Variants in IGF2BP2 observed in about 807,000 individuals in gnomAD.
IGF2BP2 encodes insulin-like growth factor 2 mRNA-binding protein 2.
Under a neutral mutation model 75.8 loss-of-function variants are expected in IGF2BP2, and 17 were observed. The ratio of observed to expected loss-of-function variants is 0.22; its 90% CI spans 0.15 to 0.34. The LOEUF is 0.34. IGF2BP2 is among the 10% of genes least tolerant of loss of function. The probability of loss-of-function intolerance (pLI) is 1.00; values close to 1 mark genes in which losing one functional copy is unlikely to be tolerated. For synonymous variants in IGF2BP2, 288 were observed against 295.6 expected, an observed-to-expected ratio of 0.97 and a Z score of 0.26; for missense variants, 516 against 772.4, an observed-to-expected ratio of 0.67 and a Z score of 3.93.
chr3:185,685,938 C>G (rs1447766870), intron 7 of IGF2BP2, among the ~76,000 whole-genome samples: 2 of 152,210 alleles, frequency 1.3e-5, no homozygotes, highest in African/African-American at 4.8e-5. Context: ...GCCACTGCAC[C>G]CAGCATGAAA....
intron 2 of IGF2BP2, among the ~76,000 whole-genome samples, chr3:185,781,623 T>C (rs1347220559): frequency 1.3e-5 from 2 of 152,210 alleles, no homozygotes; most frequent in East Asian, 1.9e-4. Context: ...TCTGGACATA[T>C]ATGCATGCCT....
intron 2 of IGF2BP2, among the ~76,000 whole-genome samples, chr3:185,785,353 C>T (rs373217740): frequency 6.0e-5 from 9 of 149,494 alleles, no homozygotes; most frequent in East Asian, 2.0e-4. Flanking sequence ...ATGGAGCTTT[C>T]GGGGTAGAGA....
Position 185,643,769 on chromosome 3 carries a change from CTTTTTTTTTCTTTTTTTTTT to C in IGF2BP2, c.*1742_*1761del, listed in dbSNP as rs1244812487. Reference sequence around the variant, plus strand: ...TTAGCTGGATATATTTCTGTTTTTTCTTTTTTTTTCTTTTTTTTTTTTTTTTTTTTGTCACAGAACACTGT... The same window carrying C: ...TTAGCTGGATATATTTCTGTTTTTTCTTTTTTTTTTGTCACAGAACACTGT... On this transcript the variant is annotated 3_prime_UTR_variant, in exon 16 of 16. Coordinates refer to ENST00000382199, the MANE Select transcript of IGF2BP2 (RefSeq NM_006548.6). 2 of 120,412 alleles carry C rather than the reference CTTTTTTTTTCTTTTTTTTTT, an allele frequency of 1.7e-5. No individual in the cohort carries two copies. Among genetic ancestry groups the C allele is most frequent in the African/African-American group, 6.5e-5 (2 of 30,842 alleles). 7.5% of individuals were successfully genotyped at this position (120,412 alleles called of 1,614,324 possible). A position where few individuals can be genotyped will look rare whatever the true frequency, so the allele number is the denominator to read the frequency against.
At chr3:185,707,078 A>T (rs1263736854) in intron 2 of IGF2BP2, among the ~76,000 whole-genome samples, 5 of 151,714 alleles carry the variant, frequency 3.3e-5, no homozygotes, top group African/African-American at 9.7e-5. Context: ...GACATCACTT[A>T]GTCAGATGTG....
chr3:185,819,769 A>G lies in IGF2BP2; in HGVS notation c.239+3384T>C, dbSNP rs548677181. On this transcript the variant is annotated intron_variant, in intron 2 of 15. Coordinates refer to ENST00000382199, the MANE Select transcript of IGF2BP2 (RefSeq NM_006548.6). ...GGAAGGTACCACACAATTTTAACCT[A>G]ATAAAAGTCATTTCTGTTTCTAGAA... 1.3e-4 allele frequency among the ~76,000 whole-genome samples: 20 copies of G among 152,240 alleles called. No homozygotes were observed. In the South Asian group the frequency reaches 3.5e-3, roughly 27 times the overall value.
chr3:185,686,606 C>A (rs1721170919), intron 7 of IGF2BP2, among the ~76,000 whole-genome samples: 2 of 151,904 alleles, frequency 1.3e-5, no homozygotes, highest in South Asian at 4.2e-4. Context: ...TTGCACTGTC[C>A]AATTCAATGG....
intron 10 of IGF2BP2, among the ~76,000 whole-genome samples, chr3:185,664,163 G>T (rs1471125775): frequency 6.6e-6 from 1 of 152,150 alleles, no homozygotes; most frequent in Non-Finnish European, 1.5e-5. Flanking sequence ...GTGTTCTCAT[G>T]GGACAACCTT....
chr3:185,648,878 G>C (rs958325846), intron 14 of IGF2BP2, among the ~76,000 whole-genome samples: 1 of 152,196 alleles, frequency 6.6e-6, no homozygotes, highest in Non-Finnish European at 1.5e-5. Flanking sequence ...CCAGAAGATA[G>C]AGCCTGTGGA....
chr3:185,754,117 G>A (rs1458503810), intron 2 of IGF2BP2, among the ~76,000 whole-genome samples: 1 of 152,102 alleles, frequency 6.6e-6, no homozygotes, highest in African/African-American at 2.4e-5. Context: ...GCTGAGGCAG[G>A]AGAATTGCTT....
chr3:185,818,935 A>C (rs1740968477), intron 2 of IGF2BP2, among the ~76,000 whole-genome samples: 1 of 152,096 alleles, frequency 6.6e-6, no homozygotes, highest in African/African-American at 2.4e-5. Context: ...GTTTACTCAA[A>C]ATAATTGTGA....
chr3:185,780,756 T>C (rs1271719110), intron 2 of IGF2BP2, among the ~76,000 whole-genome samples: 1 of 152,168 alleles, frequency 6.6e-6, no homozygotes, highest in Non-Finnish European at 1.5e-5. Context: ...TGTATAATCA[T>C]AATAATATAT....
intron 5 of IGF2BP2, among the ~76,000 whole-genome samples, chr3:185,690,421 A>G (rs1240626952): frequency 2.6e-5 from 4 of 152,122 alleles, no homozygotes; most frequent in African/African-American, 4.8e-5. Flanking sequence ...TTAAAAAAAC[A>G]GTTAATATTC....
intron 10 of IGF2BP2, among the ~76,000 whole-genome samples, chr3:185,669,341 T>G (rs1237372781): frequency 6.6e-6 from 1 of 151,822 alleles, no homozygotes; most frequent in Admixed American, 6.6e-5. Context: ...GGGAAAAATA[T>G]AAATCATATA....
chr3:185,657,549 T>G, intron 11 of IGF2BP2, 147 bp from the exon 12 acceptor site: 1 of 602,232 alleles, frequency 1.7e-6, no homozygotes, highest in Non-Finnish European at 2.9e-6. Context: ...CACAGGATCC[T>G]TCTGCGGCCT....
chr3:185,689,967 C>CAAAAA (rs5855070), intron 5 of IGF2BP2, among the ~76,000 whole-genome samples: 8 of 118,214 alleles, frequency 6.8e-5, no homozygotes, highest in African/African-American at 2.6e-4. Flanking sequence ...GACTCCGTCT[C>CAAAAA]AAAAAAAAAA....
chr3:185,703,304 T>C (rs561581840), intron 2 of IGF2BP2, among the ~76,000 whole-genome samples: 59 of 152,334 alleles, frequency 3.9e-4, no homozygotes, highest in Non-Finnish European at 7.3e-4. Context: ...TCTTTGGCTG[T>C]AGATACCCAG....
intron 1 of IGF2BP2, among the ~76,000 whole-genome samples, chr3:185,824,496 G>A (rs900140450): frequency 3.3e-5 from 5 of 151,708 alleles, no homozygotes; most frequent in African/African-American, 7.3e-5. Context: ...GCGAACGAGG[G>A]GTGCCCCTAA....
intron 7 of IGF2BP2, among the ~76,000 whole-genome samples, chr3:185,684,512 C>T (rs972442285): frequency 6.6e-6 from 1 of 152,108 alleles, no homozygotes; most frequent in African/African-American, 2.4e-5. Flanking sequence ...TCAAGAGATT[C>T]CCCTGCCTCA....
At chr3:185,706,998 T>C (rs1014103841) in intron 2 of IGF2BP2, among the ~76,000 whole-genome samples, 64 of 152,242 alleles carry the variant, frequency 4.2e-4, no homozygotes, top group African/African-American at 1.5e-3. Context: ...TGCCTCAGTC[T>C]CCCAAGGTGC....
Sources: allele counts gnomAD v4.1 joint callset (sites outside exome capture counted in the v4.1 genomes callset), GRCh38; gene constraint gnomAD v4.1.1; transcripts MANE v1.5; gene names NCBI Gene and HGNC (gene_info 2026-07-23, HGNC 2026-07-21).